STRBP: variants seen among roughly 807,000 people sequenced by gnomAD.
The protein encoded by STRBP is spermatid perinuclear RNA binding protein, also known as spermatid perinuclear RNA-binding protein.
Under a neutral mutation model 80.1 loss-of-function variants are expected in STRBP, and 13 were observed. That is an observed-to-expected ratio of 0.16 (90% confidence interval 0.11 to 0.26). STRBP has a LOEUF of 0.26. Among genes scored for constraint, STRBP ranks in the 10% least tolerant of loss-of-function variants. The pLI is 1.00. For missense variants in STRBP, 485 were observed against 815.2 expected, an observed-to-expected ratio of 0.59 and a Z score of 4.93; for synonymous variants, 284 against 291.2, an observed-to-expected ratio of 0.98 and a Z score of 0.25.
rs1013572889 is a variant in STRBP, at chr9:123,195,531, A to C, written c.-164-11233T>G. Among the ~76,000 whole-genome samples the C allele has an allele frequency of 6.6e-5, 10 of 152,208 alleles. 1 individual carries two copies. Among genetic ancestry groups the C allele is most frequent in the Admixed American group, 6.5e-4 (10 of 15,272 alleles). On this transcript the variant is annotated intron_variant, in intron 2 of 18. Transcript: ENST00000348403. ...GATACAAAATCAACATACAAAAATCAGTAGCATTTCTATATGCCAACAGCA... is the reference window on the plus strand; with the variant it reads ...GATACAAAATCAACATACAAAAATCCGTAGCATTTCTATATGCCAACAGCA...
chr9:123,163,709 T>C (rs1450958556), intron 6 of STRBP, among the ~76,000 whole-genome samples: 1 of 152,226 alleles, frequency 6.6e-6, no homozygotes, highest in East Asian at 1.9e-4. Flanking sequence ...ATTAATAATA[T>C]ACAGTTTTAT....
intron 18 of STRBP, 126 bp downstream of exon 18, chr9:123,128,088 G>A: frequency 1.5e-5 from 18 of 1,185,568 alleles, no homozygotes; most frequent in Non-Finnish European, 2.2e-5. Flanking sequence ...AGGAATTTAA[G>A]TTGGGTCACT....
At chr9:123,223,617 T>G (rs1186167714) in intron 2 of STRBP, among the ~76,000 whole-genome samples, 1 of 152,140 alleles carries the variant, frequency 6.6e-6, no homozygotes, top group Non-Finnish European at 1.5e-5. Flanking sequence ...AGGTAATATC[T>G]AGACATTATG....
At chr9:123,225,827 C>G (rs1414224713) in intron 2 of STRBP, among the ~76,000 whole-genome samples, 5 of 152,098 alleles carry the variant, frequency 3.3e-5, no homozygotes, top group Non-Finnish European at 7.4e-5. Context: ...TTGCTCACAA[C>G]TAAAAGTCTT....
In STRBP at chr9:123,122,402, G is replaced by A; in HGVS notation, c.*3195C>T. 2 of 1,229,534 alleles carry A rather than the reference G, an allele frequency of 1.6e-6. No homozygotes were observed. The highest frequency in any genetic ancestry group is 1.0e-6 in the Non-Finnish European group (1 of 962,392). The allele number at this position is 1,229,534 out of a possible 1,614,324, so 76.2% of individuals were successfully genotyped here. On this transcript the variant is annotated 3_prime_UTR_variant, in exon 19 of 19. Coordinates refer to ENST00000348403, the MANE Select transcript of STRBP (RefSeq NM_018387.5). Reference sequence around the variant, plus strand: ...TATTCCCAGCTCTTCAATTAATAATGGTGGCTGATTCATGATTTTCAAACA... The same window carrying A: ...TATTCCCAGCTCTTCAATTAATAATAGTGGCTGATTCATGATTTTCAAACA...
chr9:123,122,756 T>A lies in STRBP; in HGVS notation c.*2841A>T. 1 of 992,356 alleles carries A rather than the reference T, an allele frequency of 1.0e-6. No individual in the cohort carries two copies. Among genetic ancestry groups the A allele is most frequent in the Non-Finnish European group, 1.2e-6 (1 of 834,506 alleles). The allele number at this position is 992,356 out of a possible 1,614,324, so 61.5% of individuals were successfully genotyped here. A position where few individuals can be genotyped will look rare whatever the true frequency, so the allele number is the denominator to read the frequency against. On this transcript the variant is annotated 3_prime_UTR_variant, in exon 19 of 19. Coordinates refer to ENST00000348403, the MANE Select transcript of STRBP (RefSeq NM_018387.5). ...GACCCCTATCTCTGAGAAATTATAG[T>A]AACGCTAACTGACGCAGTCAGGAAT...
intron 3 of STRBP, chr9:123,111,800 G>A (rs1245775730): frequency 1.3e-5 from 4 of 313,766 alleles, no homozygotes; most frequent in Admixed American, 5.3e-5. Flanking sequence ...TCTTAGAGCT[G>A]TACCATAAGA....
chr9:123,143,541 T>C (rs2036680892), intron 13 of STRBP, among the ~76,000 whole-genome samples: 1 of 152,270 alleles, frequency 6.6e-6, no homozygotes, highest in African/African-American at 2.4e-5. Flanking sequence ...AGATGCAAAA[T>C]TCTTTCTCGC....
Position 123,123,308 on chromosome 9 carries a change from C to T in STRBP, c.*2289G>A, listed in dbSNP as rs1351117551. On this transcript the variant is annotated 3_prime_UTR_variant, in exon 19 of 19. Coordinates refer to ENST00000348403, the MANE Select transcript of STRBP (RefSeq NM_018387.5). Reference sequence around the variant, plus strand: ...CTTCATTTATATTTCTCTGCTCTTTCAGCTGTAAGTGGAATTTTCATTACA... The same window carrying T: ...CTTCATTTATATTTCTCTGCTCTTTTAGCTGTAAGTGGAATTTTCATTACA... The T allele has an allele frequency of 1.0e-6, 1 of 985,260 alleles. No homozygotes were observed. The highest frequency in any genetic ancestry group is 1.7e-5 in the African/African-American group (1 of 57,212). 61.0% of individuals were successfully genotyped at this position (985,260 alleles called of 1,614,324 possible). A position where few individuals can be genotyped will look rare whatever the true frequency, so the allele number is the denominator to read the frequency against.
At chr9:123,132,218 G>A (rs1158228077) in intron 17 of STRBP, among the ~76,000 whole-genome samples, 2 of 152,114 alleles carry the variant, frequency 1.3e-5, no homozygotes, top group Non-Finnish European at 2.9e-5. Flanking sequence ...TTCACCCTGA[G>A]CTAGCTGCCT....
At chr9:123,213,379 T>C (rs1390583491) in intron 2 of STRBP, among the ~76,000 whole-genome samples, 1 of 152,186 alleles carries the variant, frequency 6.6e-6, no homozygotes, top group Admixed American at 6.5e-5. Flanking sequence ...TTTTCGAAAC[T>C]TGATAACTTT....
chr9:123,190,020 C>T (rs2038863237), intron 2 of STRBP, among the ~76,000 whole-genome samples: 1 of 152,056 alleles, frequency 6.6e-6, no homozygotes, highest in Admixed American at 6.6e-5. Context: ...TGGCTCACAC[C>T]TGTAATCCCA....
chr9:123,125,563 TTG>T lies in STRBP; in HGVS notation c.*32_*33del. On this transcript the variant is annotated 3_prime_UTR_variant, in exon 19 of 19. Coordinates refer to ENST00000348403, the MANE Select transcript of STRBP (RefSeq NM_018387.5). ...CTCTAACATTCTGTGTTGTACTGTA[TTG>T]TTGTTCAATAGGAATTAGCTTCTGT... The T allele has an allele frequency of 6.2e-7, 1 of 1,608,734 alleles. No individual in the cohort carries two copies. Among genetic ancestry groups the T allele is most frequent in the East Asian group, 2.2e-5 (1 of 44,740 alleles).
chr9:123,140,983 G>A (rs2036568527), intron 13 of STRBP, among the ~76,000 whole-genome samples: 1 of 152,184 alleles, frequency 6.6e-6, no homozygotes, highest in African/African-American at 2.4e-5. Flanking sequence ...TCACTAATTA[G>A]AGGTTTACAT....
At chr9:123,243,424 G>A (rs1333411091) in intron 1 of STRBP, among the ~76,000 whole-genome samples, 2 of 152,126 alleles carry the variant, frequency 1.3e-5, no homozygotes, top group African/African-American at 4.8e-5. Flanking sequence ...TAGTTGAAGA[G>A]TTCTTGCAAA....
intron 2 of STRBP, among the ~76,000 whole-genome samples, chr9:123,227,192 A>T (rs557594875): frequency 6.6e-6 from 1 of 152,212 alleles, no homozygotes; most frequent in South Asian, 2.1e-4. Flanking sequence ...TCAATGTTAA[A>T]TGTTATGCAA....
chr9:123,190,285 GAAA>G (rs1231552691), intron 2 of STRBP, among the ~76,000 whole-genome samples: 1 of 81,760 alleles, frequency 1.2e-5, no homozygotes, highest in Non-Finnish European at 2.9e-5. Flanking sequence ...ATCTCAGAAA[GAAA>G]AAAAAAAAAA....
chr9:123,265,942 T>G (rs2041257111), intron 1 of STRBP, among the ~76,000 whole-genome samples: 1 of 152,188 alleles, frequency 6.6e-6, no homozygotes, highest in Admixed American at 6.5e-5. Context: ...AGGTGTACAT[T>G]ACTTCTGTCT....
chr9:123,189,317 G>C (rs1026476525), intron 2 of STRBP, among the ~76,000 whole-genome samples: 1 of 121,878 alleles, frequency 8.2e-6, no homozygotes, highest in African/African-American at 3.1e-5. Flanking sequence ...TGTGGGGTGG[G>C]GGGAGGGTGG....
Sources: allele counts gnomAD v4.1 joint callset (sites outside exome capture counted in the v4.1 genomes callset), GRCh38; gene constraint gnomAD v4.1.1; transcripts MANE v1.5; gene names NCBI Gene and HGNC (gene_info 2026-07-23, HGNC 2026-07-21).